The following ERBB2 variants were observed in gnomAD, a reference collection of about 807,000 sequenced individuals.
ERBB2 encodes receptor tyrosine-protein kinase erbB-2.
A neutral mutation model predicts 149.0 loss-of-function variants in ERBB2; 61 were observed. That is an observed-to-expected ratio of 0.41 (90% CI 0.33 to 0.51). The LOEUF (loss-of-function observed/expected upper bound fraction) is 0.51, where lower values mean the gene tolerates loss of function less well. Among genes scored for constraint, ERBB2 ranks in the 20% least tolerant of loss-of-function variants. The pLI is 0.25. For synonymous variants in ERBB2, 633 were observed against 678.8 expected, an observed-to-expected ratio of 0.93 and a Z score of 1.05; for missense variants, 1,205 against 1,655.1, an observed-to-expected ratio of 0.73 and a Z score of 4.72.
intron 2 of ERBB2, chr17:39,707,434 C>T: frequency 3.2e-6 from 1 of 312,830 alleles, no homozygotes; most frequent in East Asian, 5.2e-5. Flanking sequence ...CCTGCTCCAG[C>T]CACTATCCCT....
upstream of ERBB2, among the ~76,000 whole-genome samples, chr17:39,697,694 T>G (rs1445411480): frequency 6.6e-6 from 1 of 151,628 alleles, no homozygotes; most frequent in Admixed American, 6.6e-5. Flanking sequence ...TTTCTCTCTC[T>G]TGCTCTCTTT....
intron 8 of ERBB2, 69 bp downstream of exon 8, chr17:39,712,116 C>T: frequency 6.2e-7 from 1 of 1,609,178 alleles, no homozygotes; most frequent in Non-Finnish European, 8.5e-7. Flanking sequence ...TGGCCCAGCC[C>T]ACCCTGTCCT....
intron 16 of ERBB2, 106 bp downstream of exon 16, chr17:39,719,940 C>A: frequency 9.6e-7 from 1 of 1,036,852 alleles, no homozygotes; most frequent in Non-Finnish European, 1.5e-6. Context: ...TGTCCCTTCC[C>A]ACCCACTCTT....
At position 39,700,118 on chromosome 17, in the gene ERBB2, C is replaced by A; in HGVS notation, c.-121C>A. On this transcript the variant is annotated 5_prime_UTR_variant, in exon 1 of 27. Coordinates refer to ENST00000269571, the MANE Select transcript of ERBB2 (RefSeq NM_004448.4). ...GAGCCCCCCGGGCAGCCGCGCGCCC[C>A]TTCCCACGGGGCCCTTTACTGCGCC... The A allele has an allele frequency of 7.7e-7, 1 of 1,290,400 alleles. No homozygotes were observed. Among genetic ancestry groups the A allele is most frequent in the South Asian group, 2.5e-5 (1 of 39,794 alleles). 79.9% of individuals were successfully genotyped at this position (1,290,400 alleles called of 1,614,324 possible).
At chr17:39,699,443 A>T, upstream of ERBB2, 1 of 1,056,616 alleles carries the variant, frequency 9.5e-7, no homozygotes, top group Non-Finnish European at 1.4e-6. Flanking sequence ...CCTGGGCAAC[A>T]AGAGCAAAAG....
chr17:39,713,480 G>C (rs922107494), intron 9 of ERBB2, among the ~76,000 whole-genome samples: 1 of 151,698 alleles, frequency 6.6e-6, no homozygotes, highest in African/African-American at 2.4e-5. Flanking sequence ...GCCAGGCACG[G>C]TGGCTCACGC....
At position 39,728,099 on chromosome 17, in the gene ERBB2, C is replaced by G; in HGVS notation, c.*55C>G. On this transcript the variant is annotated 3_prime_UTR_variant, in exon 27 of 27. Transcript: ENST00000269571. The stretch of plus-strand genomic sequence containing the variant: ...ATGTGTCCTCAGGGAGCAGGGAAGG[C>G]CTGACTTCTGCTGGCATCAAGAGGT... The G allele has an allele frequency of 7.6e-7, 1 of 1,309,636 alleles. No homozygotes were observed. The highest frequency in any genetic ancestry group is 1.5e-5 in the African/African-American group (1 of 68,266). 81.1% of individuals were successfully genotyped at this position (1,309,636 alleles called of 1,614,324 possible). A position where few individuals can be genotyped will look rare whatever the true frequency, so the allele number is the denominator to read the frequency against.
intron 7 of ERBB2, among the ~76,000 whole-genome samples, chr17:39,711,482 G>T (rs553399449): frequency 2.0e-5 from 3 of 152,208 alleles, no homozygotes; most frequent in Non-Finnish European, 4.4e-5. Flanking sequence ...ATGAGCCATC[G>T]TGCCTGGCCT....
intron 12 of ERBB2, 97 bp from the exon 13 acceptor site, chr17:39,716,204 C>T (rs2145668453): frequency 7.2e-7 from 1 of 1,381,156 alleles, no homozygotes; most frequent in South Asian, 1.4e-5. Context: ...GTCCCCACCC[C>T]TCCAGCCCAC....
upstream of ERBB2, among the ~76,000 whole-genome samples, chr17:39,695,553 A>G (rs1181240757): frequency 6.6e-6 from 1 of 152,144 alleles, no homozygotes; most frequent in Non-Finnish European, 1.5e-5. Context: ...CCTGTGCCTC[A>G]GCCTCAAGGC....
Position 39,726,352 on chromosome 17 carries a change from CAAAA to C in ERBB2, c.2873-208_2873-205del, listed in dbSNP as rs2059758191. 6 of 566,582 alleles carry C rather than the reference CAAAA, an allele frequency of 1.1e-5. No homozygotes were observed. Among genetic ancestry groups the C allele is most frequent in the South Asian group, 4.6e-5 (2 of 43,328 alleles). 35.1% of individuals were successfully genotyped at this position (566,582 alleles called of 1,614,324 possible). A position where few individuals can be genotyped will look rare whatever the true frequency, so the allele number is the denominator to read the frequency against. On this transcript the variant is annotated intron_variant, in intron 23 of 26. Coordinates refer to ENST00000269571, the MANE Select transcript of ERBB2 (RefSeq NM_004448.4). The surrounding 1 kb of genome is among the most constrained non-coding windows in gnomAD (Gnocchi z 5.1). The stretch of plus-strand genomic sequence containing the variant: ...CATCTCAAAAAAATAAAAAAGCAAA[CAAAA>C]AGAAAAAAAAAATTAAAAGGGAAAC...
chr17:39,693,815 G>T (rs1171423331), upstream of ERBB2, among the ~76,000 whole-genome samples: 2 of 149,992 alleles, frequency 1.3e-5, no homozygotes, highest in African/African-American at 4.9e-5. Flanking sequence ...AGGGCTGGGT[G>T]TGGTGGCTCA....
Position 39,724,272 on chromosome 17 carries a change from A to ATTTTTTTTTTTTTTTTTTTTTTTT in ERBB2, c.2307+278_2307+279insTTTTTTTTTTTTTTTTTTTTTTTT, listed in dbSNP as rs71149796. 5.0e-3 allele frequency among the ~76,000 whole-genome samples: 383 copies of ATTTTTTTTTTTTTTTTTTTTTTTT among 76,892 alleles called. 106 individuals carry two copies. Among genetic ancestry groups the ATTTTTTTTTTTTTTTTTTTTTTTT allele is most frequent in the Middle Eastern group, 8.8e-3 (1 of 114 alleles). 50.4% of individuals were successfully genotyped at this position (76,892 alleles called of 152,430 possible). A position where few individuals can be genotyped will look rare whatever the true frequency, so the allele number is the denominator to read the frequency against. On this transcript the variant is annotated intron_variant, in intron 19 of 26. Transcript: ENST00000269571. ...TAGCTGGGATTACAAGCGCCCGCTAATTTTTTTTTTTTTTTTGAGACAGAG... is the reference window on the plus strand; with the variant it reads ...TAGCTGGGATTACAAGCGCCCGCTAATTTTTTTTTTTTTTTTTTTTTTTTTTTTTTTTTTTTTTTTGAGACAGAG...
rs752759368 is a variant in ERBB2 at position 39,715,932 on chromosome 17, C to G, written c.1506C>G (p.Asp502Glu). The change falls in exon 12 of 27, where the codon GAC (aspartate) becomes GAG (glutamate). Residue 502 changes from aspartate (D) to glutamate (E), a missense_variant. Asp to Glu is a conservative substitution (Grantham distance 45). This residue lies in a region of ERBB2 where 569 missense variants were observed against 803.5 expected (regional missense o/e 0.71). Coordinates refer to ENST00000269571, the MANE Select transcript of ERBB2 (RefSeq NM_004448.4). ...TCCACACTGCCAACCGGCCAGAGGA[C>G]GAGTGTGGTAAGACAGGGAGCCCAG... is the stretch of plus-strand genomic sequence containing the variant. ...ALLHTANRPE[D>E]ECVGEGLACH... 1 of 1,609,150 alleles carries G rather than the reference C, an allele frequency of 6.2e-7. No individual in the cohort carries two copies. The highest frequency in any genetic ancestry group is 2.2e-5 in the East Asian group (1 of 44,878).
rs2059786287 is a variant in ERBB2 at position 39,726,716 on chromosome 17, G to A, written c.2970+57G>A. The A allele has an allele frequency of 1.3e-6, 2 of 1,599,182 alleles. No homozygotes were observed. The highest frequency in any genetic ancestry group is 1.7e-6 in the Non-Finnish European group (2 of 1,166,384). On this transcript the variant is annotated intron_variant, in intron 24 of 26. Transcript: ENST00000269571. The surrounding 1 kb of genome is among the most constrained non-coding windows in gnomAD (Gnocchi z 5.1). ...TGGCTAAGAGCACCCTCCTGCAGAG[G>A]GTGGGAAGGAGAGATGAGTCCAGTA... is the stretch of plus-strand genomic sequence containing the variant.
chr17:39,724,767 C>T lies in ERBB2; in HGVS notation c.2349C>T (p.Ser783=), dbSNP rs763795273. ...CTGGTGTGGGCTCCCCATATGTCTCCCGCCTTCTGGGCATCTGCCTGACAT... is the reference window on the plus strand; with the variant it reads ...CTGGTGTGGGCTCCCCATATGTCTCTCGCCTTCTGGGCATCTGCCTGACAT... ...VMAGVGSPYV[S]RLLGICLTST... is the part of the protein sequence containing the mutation. The change falls in exon 20 of 27, where the codon TCC becomes TCT. Residue 783 remains serine, a synonymous_variant. Coordinates refer to ENST00000269571, the MANE Select transcript of ERBB2 (RefSeq NM_004448.4). The T allele has an allele frequency of 8.7e-6, 14 of 1,614,078 alleles. No individual in the cohort carries two copies. The highest frequency in any genetic ancestry group is 1.2e-5 in the Non-Finnish European group (14 of 1,180,054).
rs2059789697 is a variant in ERBB2, at chr17:39,726,773, G to T, written c.2971-42G>T. The T allele has an allele frequency of 6.2e-7, 1 of 1,601,428 alleles. No homozygotes were observed. On this transcript the variant is annotated intron_variant, in intron 24 of 26. Transcript: ENST00000269571. The surrounding 1 kb of genome is among the most constrained non-coding windows in gnomAD (Gnocchi z 5.1). Reference sequence around the variant, plus strand: ...GCCCCTCACGGAAGGCTGCATGCTGGGCTGGGGAGGGGCCACCATCCTGCC... The same window carrying T: ...GCCCCTCACGGAAGGCTGCATGCTGTGCTGGGGAGGGGCCACCATCCTGCC...
rs113619125 is a variant in ERBB2 at position 39,709,828 on chromosome 17, C to T, written c.590C>T (p.Pro197Leu). 1.5e-5 allele frequency: 25 copies of T among 1,613,300 alleles called. No homozygotes were observed. Among genetic ancestry groups the T allele is most frequent in the African/African-American group, 2.7e-5 (2 of 75,022 alleles). The change falls in exon 5 of 27, where the codon CCG becomes CTG. Residue 197 changes from proline (P) to leucine (L), a missense_variant. Physicochemically the swap from Pro to Leu is moderately conservative, Grantham distance 98 (BLOSUM62 -3). This residue lies in a region of ERBB2 where 569 missense variants were observed against 803.5 expected (regional missense o/e 0.71). Transcript: ENST00000269571. ...NRSRACHPCS[P>L]MCKGSRCWGE... ...CTGTCCTCAGGCCACCCCTGTTCTC[C>T]GATGTGTAAGGGCTCCCGCTGCTGG... is the stretch of plus-strand genomic sequence containing the variant.
In ERBB2 at chr17:39,728,649, T is replaced by C. The variant is rs921111907; in HGVS notation, c.*605T>C. ...CACTTTGTCCATTTGCAAATATATT[T>C]TGGAAAACAGCTAGGCACCGGCCTA... On this transcript the variant is annotated 3_prime_UTR_variant, in exon 27 of 27. Coordinates refer to ENST00000269571, the MANE Select transcript of ERBB2 (RefSeq NM_004448.4). 2.1e-5 allele frequency: 5 copies of C among 232,634 alleles called. No homozygotes were observed. Among genetic ancestry groups the C allele is most frequent in the Non-Finnish European group, 4.2e-5 (5 of 117,722 alleles). The allele number at this position is 232,634 out of a possible 1,614,324, so 14.4% of individuals were successfully genotyped here.
Sources: gnomAD v4.1 joint callset for allele counts (sites outside exome capture counted in the v4.1 genomes callset) on GRCh38, gnomAD v4.1.1 for gene constraint, gnomAD v4.1.1 regional missense constraint, Gnocchi (gnomAD v3.1) non-coding constraint, MANE v1.5 for transcripts, NCBI Gene and HGNC (gene_info 2026-07-23, HGNC 2026-07-21) for gene names.